The following ZNF609 variants were observed in gnomAD, a reference collection of about 807,000 sequenced individuals.
The protein encoded by ZNF609 is zinc finger protein 609.
In ZNF609, 11 loss-of-function variants were observed where a neutral mutation model predicts 109.5. The observed-to-expected ratio is 0.10, with a 90% CI of 0.06 to 0.17. The LOEUF (loss-of-function observed/expected upper bound fraction) is 0.17, where lower values mean the gene tolerates loss of function less well. Ranked by LOEUF, ZNF609 falls within the 10% of genes least tolerant of loss-of-function variation. The pLI is 1.00. For missense variants in ZNF609, 1,559 were observed against 1,772.4 expected (o/e 0.88, Z 2.16); for synonymous variants, 646 against 662.0 (o/e 0.98, Z 0.37).
intron 5 of ZNF609, among the ~76,000 whole-genome samples, chr15:64,677,709 C>A (rs1242099903): frequency 6.6e-6 from 1 of 152,184 alleles, no homozygotes; most frequent in Non-Finnish European, 1.5e-5. Flanking sequence ...TGCTTCCCTC[C>A]CTCCTCTGAT....
chr15:64,481,079 A>T (rs1893245509), intron 1 of ZNF609, among the ~76,000 whole-genome samples: 1 of 152,196 alleles, frequency 6.6e-6, no homozygotes, highest in Non-Finnish European at 1.5e-5. Context: ...CAGAAAGGAG[A>T]ACAAAATCTG....
At chr15:64,567,348 G>A (rs1162024107) in intron 2 of ZNF609, among the ~76,000 whole-genome samples, 1 of 151,790 alleles carries the variant, frequency 6.6e-6, no homozygotes, top group Non-Finnish European at 1.5e-5. Context: ...TGGACGTGGT[G>A]GTGCGCACCT....
chr15:64,596,992 C>T (rs1895407753), intron 2 of ZNF609, among the ~76,000 whole-genome samples: 1 of 152,094 alleles, frequency 6.6e-6, no homozygotes, highest in African/African-American at 2.4e-5. Context: ...TATCTCTGTT[C>T]TTCAGCTTGT....
chr15:64,552,224 A>G (rs1364665141), intron 2 of ZNF609, among the ~76,000 whole-genome samples: 2 of 152,188 alleles, frequency 1.3e-5, no homozygotes, highest in Non-Finnish European at 2.9e-5. Flanking sequence ...TTCCATATCT[A>G]AAATCTTTGT....
chr15:64,468,192 T>C (rs563792137), intron 1 of ZNF609, among the ~76,000 whole-genome samples: 5 of 151,778 alleles, frequency 3.3e-5, no homozygotes, highest in South Asian at 2.1e-4. Context: ...AATTTTTTTT[T>C]CCTCCCTCCC....
intron 2 of ZNF609, among the ~76,000 whole-genome samples, chr15:64,580,341 G>T (rs1264620316): frequency 6.6e-6 from 1 of 152,118 alleles, no homozygotes; most frequent in Non-Finnish European, 1.5e-5. Context: ...AATTTGCATT[G>T]TTTTAAGCCA....
intron 3 of ZNF609, among the ~76,000 whole-genome samples, chr15:64,664,172 G>C (rs1896615790): frequency 6.6e-6 from 1 of 152,150 alleles, no homozygotes; most frequent in Admixed American, 6.5e-5. Flanking sequence ...AGGCTGGAGT[G>C]AGCCGAGATT....
chr15:64,466,262 T>A (rs577525547), intron 1 of ZNF609, among the ~76,000 whole-genome samples: 4 of 152,316 alleles, frequency 2.6e-5, no homozygotes, highest in South Asian at 2.1e-4. Context: ...CATATGTTTG[T>A]GCCACTATAA....
chr15:64,576,631 A>C (rs1677995027), intron 2 of ZNF609, among the ~76,000 whole-genome samples: 1 of 151,898 alleles, frequency 6.6e-6, no homozygotes, highest in South Asian at 2.1e-4. Flanking sequence ...AAGAAAGGTT[A>C]AAGGAATCCT....
chr15:64,553,539 G>A (rs144151973), intron 2 of ZNF609, among the ~76,000 whole-genome samples: 3,801 of 150,712 alleles, frequency 0.025, 88 homozygotes, highest in Non-Finnish European at 0.038. Context: ...GAATGTTTAC[G>A]TAATAATTTT....
At chr15:64,650,896 G>GA (rs892479565) in intron 3 of ZNF609, among the ~76,000 whole-genome samples, 2 of 149,304 alleles carry the variant, frequency 1.3e-5, no homozygotes, top group Non-Finnish European at 3.0e-5. Context: ...ATGGGTGGGG[G>GA]GGGGATCCTT....
Position 64,650,066 on chromosome 15 carries a change from G to A in ZNF609, c.974-20280G>A, listed in dbSNP as rs1461296909. ...AAGGTGAGGCAGGAGGATCACTTGA[G>A]TCCAAAAGTTCAAGTCCAGCCTAGG... On this transcript the variant is annotated intron_variant, in intron 3 of 9. Transcript: ENST00000326648. Among the ~76,000 whole-genome samples, 6 of 148,170 alleles carry A rather than the reference G, an allele frequency of 4.0e-5. No homozygotes were observed. In the Admixed American group the frequency reaches 4.1e-4, roughly 10 times the overall value.
chr15:64,510,226 A>G (rs1595702998), intron 2 of ZNF609, among the ~76,000 whole-genome samples: 1 of 146,608 alleles, frequency 6.8e-6, no homozygotes, highest in Admixed American at 6.9e-5. Context: ...TTTTTAACAG[A>G]CAGGGTCTCC....
At chr15:64,581,715 A>G (rs1278840056) in intron 2 of ZNF609, among the ~76,000 whole-genome samples, 1 of 152,058 alleles carries the variant, frequency 6.6e-6, no homozygotes, top group African/African-American at 2.4e-5. Context: ...AGAGCAGGAG[A>G]TGGGAGTAGG....
intron 2 of ZNF609, 83 bp from the exon 3 acceptor site, chr15:64,622,744 T>C (rs1043485766): frequency 7.5e-6 from 9 of 1,192,282 alleles, no homozygotes; most frequent in South Asian, 1.3e-5. Flanking sequence ...GGAATAGATA[T>C]AGGACTAGAT....
intron 2 of ZNF609, among the ~76,000 whole-genome samples, chr15:64,544,200 C>T (rs1228523564): frequency 6.6e-6 from 1 of 152,022 alleles, no homozygotes; most frequent in East Asian, 1.9e-4. Flanking sequence ...ATTAGCCGGG[C>T]GTGGTGGCAT....
intron 1 of ZNF609, among the ~76,000 whole-genome samples, chr15:64,497,362 C>T (rs1893495839): frequency 6.6e-6 from 1 of 152,196 alleles, no homozygotes; most frequent in African/African-American, 2.4e-5. Context: ...CACCTCTCCC[C>T]CTTAAATTCC....
At chr15:64,541,319 C>T (rs1489553356) in intron 2 of ZNF609, among the ~76,000 whole-genome samples, 1 of 141,850 alleles carries the variant, frequency 7.0e-6, no homozygotes, top group Non-Finnish European at 1.5e-5. Flanking sequence ...CCCCGCTACT[C>T]GGGAGGCTGA....
chr15:64,526,585 C>CT (rs1893970649), intron 2 of ZNF609, among the ~76,000 whole-genome samples: 1 of 151,962 alleles, frequency 6.6e-6, no homozygotes, highest in Non-Finnish European at 1.5e-5. Flanking sequence ...TAACTGTGGA[C>CT]TTTTTTATAG....
Sources: gnomAD v4.1 joint callset for allele counts (sites outside exome capture counted in the v4.1 genomes callset) on GRCh38, gnomAD v4.1.1 for gene constraint, MANE v1.5 for transcripts, NCBI Gene and HGNC (gene_info 2026-07-23, HGNC 2026-07-21) for gene names.